TTC7B: variants seen among roughly 807,000 people sequenced by gnomAD.
TTC7B encodes the protein tetratricopeptide repeat protein 7B.
Under a neutral mutation model 106.8 loss-of-function variants are expected in TTC7B, and 28 were observed. The ratio of observed to expected loss-of-function variants is 0.26; its 90% CI spans 0.19 to 0.36. The LOEUF (loss-of-function observed/expected upper bound fraction) is 0.36, where lower values mean the gene tolerates loss of function less well. TTC7B is among the 10% of genes least tolerant of loss of function. The probability of loss-of-function intolerance (pLI) is 1.00; values close to 1 mark genes in which losing one functional copy is unlikely to be tolerated. For missense variants in TTC7B, 862 were observed against 1,076.4 expected (o/e 0.80, Z 2.79); for synonymous variants, 405 against 430.6 (o/e 0.94, Z 0.74).
intron 19 of TTC7B, among the ~76,000 whole-genome samples, chr14:90,544,006 A>C (rs1889715669): frequency 6.6e-6 from 1 of 152,210 alleles, no homozygotes; most frequent in Admixed American, 6.5e-5. Context: ...TGGGGTGTCC[A>C]CCCAGGAGGA....
intron 18 of TTC7B, among the ~76,000 whole-genome samples, chr14:90,590,144 G>A (rs551210633): frequency 1.8e-4 from 27 of 152,256 alleles, no homozygotes; most frequent in African/African-American, 6.5e-4. Context: ...TTTCAATTGT[G>A]TGCCATGGAC....
chr14:90,632,134 G>T (rs560646105), intron 15 of TTC7B, among the ~76,000 whole-genome samples: 1 of 152,274 alleles, frequency 6.6e-6, no homozygotes, highest in East Asian at 1.9e-4. Context: ...TGGTTACTGT[G>T]TGCTCACTCC....
At chr14:90,681,433 G>A (rs1214145112) in intron 7 of TTC7B, among the ~76,000 whole-genome samples, 1 of 151,616 alleles carries the variant, frequency 6.6e-6, no homozygotes, top group Non-Finnish European at 1.5e-5. Context: ...GTCTTCCCAG[G>A]GATAATATTA....
intron 5 of TTC7B, among the ~76,000 whole-genome samples, chr14:90,711,453 G>A (rs148923257): frequency 1.4e-3 from 210 of 152,226 alleles, no homozygotes; most frequent in South Asian, 8.3e-4. Context: ...ATGGAGTCTC[G>A]CTCTGTTGCC....
chr14:90,798,049 T>C (rs2029988413), intron 1 of TTC7B, among the ~76,000 whole-genome samples: 1 of 152,178 alleles, frequency 6.6e-6, no homozygotes, highest in Non-Finnish European at 1.5e-5. Context: ...GAAATGTTAA[T>C]GCACGCAGAG....
intron 18 of TTC7B, among the ~76,000 whole-genome samples, chr14:90,588,886 TAAAA>T (rs572763059): frequency 3.7e-5 from 3 of 81,716 alleles, no homozygotes; most frequent in Admixed American, 1.4e-4. Context: ...AAACAAAAAC[TAAAA>T]AAAAAAAAAA....
Position 90,625,626 on chromosome 14 carries a change from G to A in TTC7B, c.1752-7581C>T, listed in dbSNP as rs371366103. 2.5e-4 allele frequency among the ~76,000 whole-genome samples: 38 copies of A among 152,312 alleles called. 1 individual carries two copies. The East Asian group carries it at 6.6e-3, about 26-fold the overall frequency. ...TGATGCTGGGATGACAGCTGTGCAC[G>A]TCCTGGAGCTGGGAGGCCTCAAATC... On this transcript the variant is annotated intron_variant, in intron 15 of 19. Coordinates refer to ENST00000328459, the MANE Select transcript of TTC7B (RefSeq NM_001010854.2).
chr14:90,777,461 C>A (rs185303162), intron 3 of TTC7B, among the ~76,000 whole-genome samples: 90 of 152,208 alleles, frequency 5.9e-4, no homozygotes, highest in African/African-American at 2.1e-3. Context: ...GGAGCTGAAC[C>A]ATGCAGGCTT....
chr14:90,629,770 T>C (rs1884609399), intron 15 of TTC7B, among the ~76,000 whole-genome samples: 1 of 152,220 alleles, frequency 6.6e-6, no homozygotes, highest in Non-Finnish European at 1.5e-5. Flanking sequence ...GGCCTCACCA[T>C]GGTGCCCCTC....
chr14:90,728,188 C>T lies in TTC7B; in HGVS notation c.698+1887G>A, dbSNP rs11624863. ...TTGCACCAGCAGGGACTGCAGCTAACAGGGACCTTTGAGAGTACCTGGCCC... is the reference window on the plus strand; with the variant it reads ...TTGCACCAGCAGGGACTGCAGCTAATAGGGACCTTTGAGAGTACCTGGCCC... On this transcript the variant is annotated intron_variant, in intron 5 of 19. Transcript: ENST00000328459. Among the ~76,000 whole-genome samples, 429 of 152,148 alleles carry T rather than the reference C, an allele frequency of 2.8e-3. 2 individuals are homozygous for T. The highest frequency in any genetic ancestry group is 6.5e-3 in the South Asian group (31 of 4,806).
intron 1 of TTC7B, among the ~76,000 whole-genome samples, chr14:90,796,258 T>G (rs547840134): frequency 3.3e-5 from 5 of 152,196 alleles, no homozygotes; most frequent in African/African-American, 1.2e-4. Flanking sequence ...TACCCAGGGC[T>G]GGCTTCGCTT....
rs537366401 is a variant in TTC7B at position 90,727,086 on chromosome 14, C to T, written c.698+2989G>A. ...AAGAGGGGTGGGAGAGGGAAGAGGA[C>T]GAGCCAGAAAGGGAGGCCGGGAGAG... On this transcript the variant is annotated intron_variant, in intron 5 of 19. Transcript: ENST00000328459. Among the ~76,000 whole-genome samples the T allele has an allele frequency of 8.6e-5, 13 of 151,936 alleles. 1 individual carries two copies. The highest frequency in any genetic ancestry group is 3.9e-4 in the East Asian group (2 of 5,164).
intron 1 of TTC7B, among the ~76,000 whole-genome samples, chr14:90,796,753 C>G (rs72695565): frequency 0.042 from 6,454 of 152,222 alleles, 186 homozygotes; most frequent in Non-Finnish European, 0.058. Context: ...AGCTGGCATC[C>G]AGGAGGAAGA....
At chr14:90,720,492 ACAT>A (rs745971189) in intron 5 of TTC7B, among the ~76,000 whole-genome samples, 34 of 152,226 alleles carry the variant, frequency 2.2e-4, no homozygotes, top group Non-Finnish European at 4.7e-4. Context: ...ATGCCGTAAC[ACAT>A]CATCTGAAAC....
chr14:90,763,590 A>T (rs1310819823), intron 3 of TTC7B, among the ~76,000 whole-genome samples: 1 of 152,214 alleles, frequency 6.6e-6, no homozygotes, highest in Non-Finnish European at 1.5e-5. Context: ...AAATGCCATG[A>T]TCTTACATAT....
rs374744062 is a variant in TTC7B, at chr14:90,541,452, C to T, written c.2448G>A (p.Ala816=). 5.8e-5 allele frequency: 94 copies of T among 1,613,882 alleles called. No homozygotes were observed. The highest frequency in any genetic ancestry group is 1.3e-4 in the African/African-American group (10 of 75,064). The change falls in exon 20 of 20, where the codon GCG becomes GCA. Residue 816 remains alanine (A), a synonymous_variant. Transcript: ENST00000328459. ...EVLQAQGNDA[A]ATECFLTALE... Reference sequence around the variant, plus strand: ...AGGCTGTCAGGAAGCACTCCGTAGCCGCCGCATCGTTGCCCTGAGCTTGGA... The same window carrying T: ...AGGCTGTCAGGAAGCACTCCGTAGCTGCCGCATCGTTGCCCTGAGCTTGGA...
In TTC7B at chr14:90,742,822, A is replaced by T. The variant is rs1889820504; in HGVS notation, c.576+1970T>A. Among the ~76,000 whole-genome samples, 1 of 152,210 alleles carries T rather than the reference A, an allele frequency of 6.6e-6. No homozygotes were observed. The highest frequency in any genetic ancestry group is 1.5e-5 in the Non-Finnish European group (1 of 68,038). ...GTGAACATAACAGAAGTGTATTCAG[A>T]TCTACCAATTCCTACATCACTACAG... On this transcript the variant is annotated intron_variant, in intron 4 of 19. Transcript: ENST00000328459. The surrounding 1 kb of genome is among the most constrained non-coding windows in gnomAD (Gnocchi z 4.1).
rs965474697 is a variant in TTC7B, at chr14:90,537,570, C to T, written c.*3798G>A. On this transcript the variant is annotated 3_prime_UTR_variant, in exon 20 of 20. Transcript: ENST00000328459. ...TCCACGAGGCCGCACCTGTGTGGCC[C>T]CTGTTAAACTTCTGACCTCTTCTCA... is the stretch of plus-strand genomic sequence containing the variant. 3.9e-5 allele frequency: 6 copies of T among 152,262 alleles called. No individual in the cohort carries two copies. Among genetic ancestry groups the T allele is most frequent in the African/African-American group, 1.4e-4 (6 of 41,418 alleles). The allele number at this position is 152,262 out of a possible 1,614,324, so 9.4% of individuals were successfully genotyped here. A position where few individuals can be genotyped will look rare whatever the true frequency, so the allele number is the denominator to read the frequency against.
chr14:90,779,391 C>T (rs1891137330), intron 3 of TTC7B, among the ~76,000 whole-genome samples: 1 of 152,208 alleles, frequency 6.6e-6, no homozygotes, highest in Non-Finnish European at 1.5e-5. Flanking sequence ...GCAACCTCTG[C>T]CTCCCGGGTT....
Sources: gnomAD v4.1 joint callset for allele counts (sites outside exome capture counted in the v4.1 genomes callset) on GRCh38, gnomAD v4.1.1 for gene constraint, Gnocchi (gnomAD v3.1) non-coding constraint, MANE v1.5 for transcripts, NCBI Gene and HGNC (gene_info 2026-07-23, HGNC 2026-07-21) for gene names.